ROBO1: variants seen among roughly 807,000 people sequenced by gnomAD.
ROBO1 encodes the protein roundabout guidance receptor 1.
A neutral mutation model predicts 195.9 loss-of-function variants in ROBO1; 149 were observed. The ratio of observed to expected loss-of-function variants is 0.76; its 90% CI spans 0.67 to 0.87. The LOEUF (loss-of-function observed/expected upper bound fraction) is 0.87. Among genes scored for constraint, ROBO1 ranks in the 40% least tolerant of loss-of-function variants. The probability of loss-of-function intolerance (pLI) is 0.00; values close to 1 mark genes in which losing one functional copy is unlikely to be tolerated. For synonymous variants in ROBO1, 816 were observed against 733.2 expected (o/e 1.11, Z -1.82); for missense variants, 1,933 against 2,068.3 (o/e 0.93, Z 1.27).
intron 4 of ROBO1, among the ~76,000 whole-genome samples, chr3:78,790,757 T>C (rs2083994373): frequency 6.6e-6 from 1 of 152,200 alleles, no homozygotes; most frequent in African/African-American, 2.4e-5. Context: ...CCATGTCCTT[T>C]AGGACCCAAG....
intron 2 of ROBO1, among the ~76,000 whole-genome samples, chr3:79,541,825 G>GTA (rs1270667888): frequency 1.4e-4 from 14 of 101,970 alleles, no homozygotes; most frequent in Admixed American, 4.4e-4. Context: ...GTGTGTGTGT[G>GTA]TGTGTATATA....
intron 3 of ROBO1, among the ~76,000 whole-genome samples, chr3:79,038,573 T>C (rs185787696): frequency 1.8e-3 from 275 of 152,296 alleles, no homozygotes; most frequent in South Asian, 0.016. Context: ...ACCTGTATAC[T>C]TGTTGATTTT....
intron 1 of ROBO1, among the ~76,000 whole-genome samples, chr3:79,636,816 AC>A (rs1202845687): frequency 2.0e-5 from 3 of 152,238 alleles, no homozygotes; most frequent in African/African-American, 7.2e-5. Flanking sequence ...CTTTTATGCA[AC>A]TAAGATTTAC....
At chr3:78,948,359 C>A (rs1478767445) in intron 3 of ROBO1, among the ~76,000 whole-genome samples, 1 of 152,158 alleles carries the variant, frequency 6.6e-6, no homozygotes, top group Non-Finnish European at 1.5e-5. Flanking sequence ...GCTGGTTCAA[C>A]ATACACAAAT....
intron 9 of ROBO1, among the ~76,000 whole-genome samples, chr3:78,687,072 C>G (rs2081068532): frequency 6.6e-6 from 1 of 152,018 alleles, no homozygotes; most frequent in Non-Finnish European, 1.5e-5. Context: ...GGATATATGT[C>G]TAATGACAAC....
At chr3:78,813,735 T>G (rs1316656750) in intron 4 of ROBO1, among the ~76,000 whole-genome samples, 1 of 152,086 alleles carries the variant, frequency 6.6e-6, no homozygotes, top group Non-Finnish European at 1.5e-5. Flanking sequence ...TGCCTGTTTA[T>G]AGTATTGGCC....
intron 4 of ROBO1, among the ~76,000 whole-genome samples, chr3:78,803,014 T>A (rs961286113): frequency 6.6e-6 from 1 of 152,156 alleles, no homozygotes; most frequent in African/African-American, 2.4e-5. Context: ...ATTTATATTG[T>A]AACTTTATTG....
chr3:78,898,394 T>G (rs988210851), intron 4 of ROBO1, among the ~76,000 whole-genome samples: 5 of 139,128 alleles, frequency 3.6e-5, no homozygotes, highest in East Asian at 4.1e-4. Context: ...TTTTTTTTTT[T>G]TTTTTTTTTT....
chr3:79,088,560 CAG>C lies in ROBO1; in HGVS notation c.172+36894_172+36895del, dbSNP rs757663024. ...AGTGAGCACATTGTAAAGAGAGTAA[CAG>C]GAAAGGTAAGAAGCACATCTTTAAC... On this transcript the variant is annotated intron_variant, in intron 3 of 30. Transcript: ENST00000464233. 8.5e-4 allele frequency among the ~76,000 whole-genome samples: 130 copies of C among 152,160 alleles called. 1 individual carries two copies. Among genetic ancestry groups the C allele is most frequent in the Non-Finnish European group, 5.3e-4 (36 of 67,954 alleles).
intron 1 of ROBO1, among the ~76,000 whole-genome samples, chr3:79,673,133 A>G (rs1035478920): frequency 1.3e-5 from 2 of 152,038 alleles, no homozygotes; most frequent in Non-Finnish European, 2.9e-5. Flanking sequence ...AATAAAGGAT[A>G]GAATTATTCT....
At chr3:79,717,170 T>A (rs369764153) in intron 1 of ROBO1, among the ~76,000 whole-genome samples, 6 of 151,812 alleles carry the variant, frequency 4.0e-5, no homozygotes, top group African/African-American at 1.5e-4. Flanking sequence ...ATTTATACTT[T>A]AAATGTGACT....
chr3:79,300,145 G>A (rs2032830163), intron 2 of ROBO1, among the ~76,000 whole-genome samples: 1 of 152,198 alleles, frequency 6.6e-6, no homozygotes, highest in Non-Finnish European at 1.5e-5. Flanking sequence ...TCAGCCCACC[G>A]CTGCAGTGTG....
chr3:78,854,584 AT>A (rs2034294577), intron 4 of ROBO1, among the ~76,000 whole-genome samples: 1 of 151,628 alleles, frequency 6.6e-6, no homozygotes, highest in South Asian at 2.1e-4. Context: ...CTTCTTCTTT[AT>A]TCATGTCTCT....
chr3:79,096,736 A>ATGTG (rs966635138), intron 3 of ROBO1, among the ~76,000 whole-genome samples: 1 of 150,182 alleles, frequency 6.7e-6, no homozygotes, highest in African/African-American at 2.4e-5. Flanking sequence ...ATATGTATAT[A>ATGTG]TGTGTGTGTG....
intron 2 of ROBO1, among the ~76,000 whole-genome samples, chr3:79,278,022 C>T (rs73112713): frequency 0.19 from 29,099 of 151,784 alleles, 3,136 homozygotes; most frequent in African/African-American, 0.3. Flanking sequence ...TCTATAAACA[C>T]AAACTAGGTG....
At chr3:79,372,809 T>C (rs1335881056) in intron 2 of ROBO1, among the ~76,000 whole-genome samples, 1 of 152,170 alleles carries the variant, frequency 6.6e-6, no homozygotes, top group Non-Finnish European at 1.5e-5. Context: ...TAGCATATCA[T>C]ATAACATGTA....
intron 3 of ROBO1, among the ~76,000 whole-genome samples, chr3:79,043,983 A>G (rs2108342200): frequency 6.6e-6 from 1 of 152,274 alleles, no homozygotes; most frequent in South Asian, 2.1e-4. Flanking sequence ...TGGCTGCATT[A>G]AAATTTACCT....
intron 3 of ROBO1, among the ~76,000 whole-genome samples, chr3:79,082,872 A>C (rs899220626): frequency 6.6e-6 from 1 of 152,018 alleles, no homozygotes; most frequent in African/African-American, 2.4e-5. Flanking sequence ...GTGTGGAGGG[A>C]GGCAGGTTGA....
At chr3:79,590,716 A>G (rs1427538733) in intron 1 of ROBO1, among the ~76,000 whole-genome samples, 1 of 151,774 alleles carries the variant, frequency 6.6e-6, no homozygotes, top group Non-Finnish European at 1.5e-5. Flanking sequence ...AAACAATACT[A>G]TTTAGAGATA....
Sources: gnomAD v4.1 joint callset for allele counts (sites outside exome capture counted in the v4.1 genomes callset) on GRCh38, gnomAD v4.1.1 for gene constraint, MANE v1.5 for transcripts, NCBI Gene and HGNC (gene_info 2026-07-23, HGNC 2026-07-21) for gene names.